The following ATP6V0D2 variants were observed in gnomAD, a reference collection of about 807,000 sequenced individuals.
ATP6V0D2 encodes V-type proton ATPase subunit d 2.
A neutral mutation model predicts 40.0 loss-of-function variants in ATP6V0D2; 40 were observed. The observed-to-expected ratio is 1.00, with a 90% CI of 0.78 to 1.30. ATP6V0D2 has a LOEUF of 1.30. Among genes scored for constraint, ATP6V0D2 ranks in the 50% most tolerant of loss-of-function variants. The probability of loss-of-function intolerance (pLI) is 0.00; values close to 1 mark genes in which losing one functional copy is unlikely to be tolerated. For synonymous variants in ATP6V0D2, 179 were observed against 156.3 expected (o/e 1.15, Z -1.08); for missense variants, 470 against 423.1 (o/e 1.11, Z -0.97).
intron 2 of ATP6V0D2, among the ~76,000 whole-genome samples, chr8:86,136,208 G>GGA (rs1199073169): frequency 3.3e-5 from 5 of 152,122 alleles, no homozygotes; most frequent in African/African-American, 1.2e-4. Flanking sequence ...ATTGCAATAT[G>GGA]GAGCTTAGCC....
chr8:86,114,467 C>T (rs1401204907), intron 2 of ATP6V0D2, among the ~76,000 whole-genome samples: 3 of 152,050 alleles, frequency 2.0e-5, no homozygotes, highest in African/African-American at 7.3e-5. Context: ...GTCAGGAATT[C>T]GAGACCAGCC....
intron 5 of ATP6V0D2, among the ~76,000 whole-genome samples, chr8:86,143,441 G>A (rs1038224614): frequency 6.6e-6 from 1 of 152,192 alleles, no homozygotes; most frequent in African/African-American, 2.4e-5. Context: ...AGGGCTGCTG[G>A]TTACCTATTT....
rs1819196515 is a variant in ATP6V0D2 at position 86,154,090 on chromosome 8, T to C, written c.*1113T>C. The stretch of plus-strand genomic sequence containing the variant: ...CACCTGGCCCCTTATTTTGTTTTTG[T>C]TTTCTAATATACTTTGATGTAATCA... On this transcript the variant is annotated 3_prime_UTR_variant, in exon 8 of 8. Transcript: ENST00000285393. 1 of 152,112 alleles carries C rather than the reference T, an allele frequency of 6.6e-6. No individual in the cohort carries two copies. The highest frequency in any genetic ancestry group is 2.4e-5 in the African/African-American group (1 of 41,440). The allele number at this position is 152,112 out of a possible 1,614,324, so 9.4% of individuals were successfully genotyped here. A position where few individuals can be genotyped will look rare whatever the true frequency, so the allele number is the denominator to read the frequency against.
chr8:86,118,529 G>A (rs1426938790), intron 2 of ATP6V0D2, among the ~76,000 whole-genome samples: 2 of 152,092 alleles, frequency 1.3e-5, no homozygotes, highest in African/African-American at 2.4e-5. Context: ...CCTCCTCCCA[G>A]TGATGGTTGG....
chr8:86,152,472 G>T (rs79608112), intron 7 of ATP6V0D2, among the ~76,000 whole-genome samples: 2 of 152,118 alleles, frequency 1.3e-5, no homozygotes, highest in Admixed American at 6.6e-5. Context: ...TGATATTTCT[G>T]GTTCTAGATC....
chr8:86,130,967 T>C (rs1248058378), intron 2 of ATP6V0D2, among the ~76,000 whole-genome samples: 1 of 152,038 alleles, frequency 6.6e-6, no homozygotes, highest in Admixed American at 6.6e-5. Flanking sequence ...AACTCTCCCC[T>C]TCTCTACCTC....
At chr8:86,106,673 G>T (rs917227796) in intron 1 of ATP6V0D2, among the ~76,000 whole-genome samples, 22 of 152,152 alleles carry the variant, frequency 1.4e-4, no homozygotes, top group African/African-American at 5.3e-4. Flanking sequence ...AGTTTATTCT[G>T]TTCTTCAGAG....
chr8:86,150,424 C>A, intron 6 of ATP6V0D2, 136 bp downstream of exon 6: 3 of 884,542 alleles, frequency 3.4e-6, no homozygotes, highest in Non-Finnish European at 5.1e-6. Context: ...GTGTTTCTTG[C>A]TGAAGCAATC....
At chr8:86,120,295 G>A (rs572874258) in intron 2 of ATP6V0D2, among the ~76,000 whole-genome samples, 1 of 152,186 alleles carries the variant, frequency 6.6e-6, no homozygotes, top group East Asian at 1.9e-4. Context: ...CAGTTACTGG[G>A]GAGTCTGAGG....
chr8:86,144,374 A>G (rs926374543), intron 5 of ATP6V0D2, among the ~76,000 whole-genome samples: 15 of 152,222 alleles, frequency 9.9e-5, no homozygotes, highest in African/African-American at 3.6e-4. Context: ...AATTTTATCT[A>G]AAGAATATTT....
intron 2 of ATP6V0D2, among the ~76,000 whole-genome samples, chr8:86,115,569 C>T (rs537933424): frequency 6.6e-6 from 1 of 151,602 alleles, no homozygotes; most frequent in South Asian, 2.1e-4. Context: ...GGGGTTTCAC[C>T]GTGTTGTCTG....
At chr8:86,131,355 A>G (rs1238271520) in intron 2 of ATP6V0D2, among the ~76,000 whole-genome samples, 3 of 151,584 alleles carry the variant, frequency 2.0e-5, no homozygotes, top group African/African-American at 4.9e-5. Context: ...GCACACCAAC[A>G]CGCTCAGCTA....
rs1467164242 is a variant in ATP6V0D2 at position 86,151,496 on chromosome 8, G to A, written c.847G>A (p.Gly283Ser). Residue 283 changes from glycine (G) to serine (S), a missense_variant, in exon 7 of 8, where the codon GGC (glycine) becomes AGC (serine). Gly to Ser is a moderately conservative substitution (Grantham distance 56). Transcript: ENST00000285393. ...CAAACCTTTATTTGAAGCTGTAGGT[G>A]GCAGTGGGGGAAAGACATTGGAGGA... ...VYKPLFEAVG[G>S]SGGKTLEDVF... is the part of the protein sequence containing the mutation. 14 of 1,606,720 alleles carry A rather than the reference G, an allele frequency of 8.7e-6. No individual in the cohort carries two copies. The African/African-American group carries it at 1.3e-4, about 15-fold the overall frequency.
At chr8:86,115,358 A>ATTTTTTTTTTTTTTTTTTTT (rs564384965) in intron 2 of ATP6V0D2, among the ~76,000 whole-genome samples, 1 of 73,278 alleles carries the variant, frequency 1.4e-5, no homozygotes, top group African/African-American at 5.6e-5. Context: ...CGTATCATCC[A>ATTTTTTTTTTTTTTTTTTTT]TTTTTTTTTT....
At chr8:86,114,131 T>C (rs1818564404) in intron 2 of ATP6V0D2, among the ~76,000 whole-genome samples, 1 of 114,622 alleles carries the variant, frequency 8.7e-6, no homozygotes, top group South Asian at 2.6e-4. Context: ...ATCTTTTCAG[T>C]TTTCATTTAA....
chr8:86,099,212 G>C (rs1818360728), intron 1 of ATP6V0D2, 104 bp downstream of exon 1: 2 of 1,306,042 alleles, frequency 1.5e-6, no homozygotes, highest in Non-Finnish European at 2.0e-6. Flanking sequence ...TATGGTTTGA[G>C]AGTTCTGAGC....
In ATP6V0D2 at chr8:86,124,381, G is replaced by C. The variant is rs145314579; in HGVS notation, c.302+10501G>C. Reference sequence around the variant, plus strand: ...AGGCTTATGCGAGACTCCAAGATTAGAAACGAATTGAATATAGACTTTGTT... The same window carrying C: ...AGGCTTATGCGAGACTCCAAGATTACAAACGAATTGAATATAGACTTTGTT... On this transcript the variant is annotated intron_variant, in intron 2 of 7. Transcript: ENST00000285393. Among the ~76,000 whole-genome samples the C allele has an allele frequency of 1.9e-3, 291 of 152,316 alleles. 1 individual carries two copies. The highest frequency in any genetic ancestry group is 6.5e-3 in the African/African-American group (269 of 41,574).
At chr8:86,099,580 G>T (rs1016105529) in intron 1 of ATP6V0D2, among the ~76,000 whole-genome samples, 2 of 152,080 alleles carry the variant, frequency 1.3e-5, no homozygotes, top group Middle Eastern at 3.2e-3. Flanking sequence ...CACAACCTCC[G>T]CCTCCCGGGT....
chr8:86,126,262 A>ATATATATATATATATATATATC (rs1191399026), intron 2 of ATP6V0D2, among the ~76,000 whole-genome samples: 2 of 131,336 alleles, frequency 1.5e-5, no homozygotes, highest in Admixed American at 7.7e-5. Flanking sequence ...ATATATATAT[A>ATATATATATATATATATATATC]TCTTTTTGTA....
Sources: gnomAD v4.1 joint callset for allele counts (sites outside exome capture counted in the v4.1 genomes callset) on GRCh38, gnomAD v4.1.1 for gene constraint, MANE v1.5 for transcripts, NCBI Gene and HGNC (gene_info 2026-07-23, HGNC 2026-07-21) for gene names.